TMEM67: variants seen among roughly 807,000 people sequenced by gnomAD.
TMEM67 encodes meckelin.
TMEM67 carries 124 observed loss-of-function variants against 136.6 expected under a neutral mutation model. The observed-to-expected ratio is 0.91, with a 90% CI of 0.78 to 1.05. The LOEUF (loss-of-function observed/expected upper bound fraction) is 1.05. Among genes scored for constraint, TMEM67 ranks in the 50% least tolerant of loss-of-function variants. The probability of loss-of-function intolerance (pLI) is 0.00; values close to 1 mark genes in which losing one functional copy is unlikely to be tolerated. For missense variants in TMEM67, 1,107 were observed against 1,178.4 expected (o/e 0.94, Z 0.89); for synonymous variants, 364 against 390.5 (o/e 0.93, Z 0.80).
intron 15 of TMEM67, 65 bp downstream of exon 15, chr8:93,791,384 G>C (rs1334536787): frequency 2.5e-6 from 3 of 1,195,380 alleles, no homozygotes; most frequent in Non-Finnish European, 3.6e-6. Context: ...TTTCAGATGT[G>C]CAAGAAGTTG....
At chr8:93,782,865 G>T (rs895725191) in intron 11 of TMEM67, among the ~76,000 whole-genome samples, 2 of 151,892 alleles carry the variant, frequency 1.3e-5, no homozygotes, top group East Asian at 3.9e-4. Flanking sequence ...ATGAGCCACC[G>T]TGCCTGGCCG....
intron 7 of TMEM67, among the ~76,000 whole-genome samples, chr8:93,777,567 G>C (rs189206456): frequency 1.2e-4 from 18 of 152,210 alleles, no homozygotes; most frequent in African/African-American, 3.4e-4. Flanking sequence ...TGTTCTCATT[G>C]ATTTCAAAGA....
rs181267447 is a variant in TMEM67 at position 93,785,367 on chromosome 8, T to C, written c.1277T>C (p.Phe426Ser). 1.2e-6 allele frequency: 2 copies of C among 1,612,654 alleles called. No homozygotes were observed. The highest frequency in any genetic ancestry group is 2.2e-5 in the East Asian group (1 of 44,712). The change falls in exon 12 of 28, where the codon TTT (phenylalanine) becomes TCT (serine). Residue 426 changes from phenylalanine to serine, a missense_variant. Phe to Ser is a radical substitution (Grantham distance 155). Coordinates refer to ENST00000453321, the MANE Select transcript of TMEM67 (RefSeq NM_153704.6). Reference protein sequence around the residue: ...LNLNLQHNKIFVNQDSNSGKW... With the variant: ...LNLNLQHNKISVNQDSNSGKW... ...CTAAATCTTCAACATAATAAGATAT[T>C]TGTGAACCAAGGTAAGACATCCATA... is the stretch of plus-strand genomic sequence containing the variant.
At chr8:93,782,569 T>TG in intron 11 of TMEM67, 109 bp downstream of exon 11, 4 of 779,744 alleles carry the variant, frequency 5.1e-6, no homozygotes, top group Non-Finnish European at 8.1e-6. Flanking sequence ...TTTTTATTCT[T>TG]GGTTTTTTTT....
rs141011453 is a variant in TMEM67 at position 93,797,067 on chromosome 8, A to G, written c.1861-67A>G. The G allele has an allele frequency of 1.1e-3, 961 of 894,682 alleles. 10 individuals are homozygous for G. The African/African-American group carries it at 0.014, about 13-fold the overall frequency. 55.4% of individuals were successfully genotyped at this position (894,682 alleles called of 1,614,324 possible). ...TAACAGTATGTTTCTTAAAGAGTCA[A>G]TATTGGTTTTATAAGCAGACTTAAC... On this transcript the variant is annotated intron_variant, in intron 18 of 27. Transcript: ENST00000453321.
chr8:93,776,042 G>A (rs1413413445), intron 7 of TMEM67, among the ~76,000 whole-genome samples: 1 of 152,140 alleles, frequency 6.6e-6, no homozygotes, highest in Non-Finnish European at 1.5e-5. Flanking sequence ...GCAGTGGTTT[G>A]TAATTCTCCT....
intron 11 of TMEM67, among the ~76,000 whole-genome samples, chr8:93,783,451 C>A (rs146729253): frequency 6.6e-6 from 1 of 152,080 alleles, no homozygotes. Flanking sequence ...TTCTTCTACC[C>A]GCTCATAACA....
At chr8:93,813,742 A>G (rs1444614621) in intron 26 of TMEM67, among the ~76,000 whole-genome samples, 5 of 152,136 alleles carry the variant, frequency 3.3e-5, no homozygotes, top group Non-Finnish European at 7.3e-5. Context: ...ACATCTAGGA[A>G]GAGGTATCCA....
downstream of TMEM67, among the ~76,000 whole-genome samples, chr8:93,819,966 A>G (rs894705162): frequency 5.9e-5 from 9 of 152,094 alleles, no homozygotes; most frequent in African/African-American, 2.2e-4. Context: ...TCTGGCCCTG[A>G]AACCCTAGGA....
chr8:93,755,071 C>A lies in TMEM67; in HGVS notation c.157C>A (p.Gln53Lys), dbSNP rs1188649369. Residue 53 changes from glutamine (Q) to lysine (K), a missense_variant, in exon 1 of 28, where the codon CAG (glutamine) becomes AAG (lysine). Around this residue, in one of 3 missense-constraint regions of TMEM67, gnomAD observed 178 missense variants for 159.2 expected, o/e 1.12. Coordinates refer to ENST00000453321, the MANE Select transcript of TMEM67 (RefSeq NM_153704.6). ...GCAGCCGGAGAAGTGCGACAACAACCAGTACTTTGATATCTCCGCCCTCTC... is the reference window on the plus strand; with the variant it reads ...GCAGCCGGAGAAGTGCGACAACAACAAGTACTTTGATATCTCCGCCCTCTC... ...FQQPEKCDNN[Q>K]YFDISALSCV... 1.2e-6 allele frequency: 2 copies of A among 1,614,178 alleles called. No individual in the cohort carries two copies. The highest frequency in any genetic ancestry group is 1.7e-6 in the Non-Finnish European group (2 of 1,180,036).
At chr8:93,800,142 C>T (rs907245232) in intron 21 of TMEM67, among the ~76,000 whole-genome samples, 6 of 152,006 alleles carry the variant, frequency 3.9e-5, no homozygotes, top group Admixed American at 2.6e-4. Flanking sequence ...AACTCCTGAC[C>T]TCAGGTGATC....
Position 93,794,225 on chromosome 8 carries a change from A to T in TMEM67, c.1674+929A>T, listed in dbSNP as rs536060411. Reference sequence around the variant, plus strand: ...GGTTTTGATATCATCATATCTGAATATTTTTTTTCATGTTATGATACGTGC... The same window carrying T: ...GGTTTTGATATCATCATATCTGAATTTTTTTTTTCATGTTATGATACGTGC... On this transcript the variant is annotated intron_variant, in intron 16 of 27. Coordinates refer to ENST00000453321, the MANE Select transcript of TMEM67 (RefSeq NM_153704.6). 1.3e-4 allele frequency among the ~76,000 whole-genome samples: 19 copies of T among 151,836 alleles called. No homozygotes were observed. The East Asian group carries it at 3.7e-3, about 29-fold the overall frequency.
intron 9 of TMEM67, 70 bp downstream of exon 9, chr8:93,781,052 C>A: frequency 9.3e-7 from 1 of 1,072,548 alleles, no homozygotes. Context: ...AATAAAGTTA[C>A]AATTCTTGCC....
At chr8:93,781,507 G>A (rs1022194025) in intron 9 of TMEM67, 151 bp from the exon 10 acceptor site, 1 of 520,576 alleles carries the variant, frequency 1.9e-6, no homozygotes, top group African/African-American at 2.0e-5. Context: ...GGTCTATTTA[G>A]TCATAGAAAT....
chr8:93,811,371 C>G (rs967779987), intron 26 of TMEM67: 1 of 152,252 alleles, frequency 6.6e-6, no homozygotes, highest in Middle Eastern at 3.4e-3. Flanking sequence ...AAAAACAGTG[C>G]GCAAAGTGCA....
intron 14 of TMEM67, among the ~76,000 whole-genome samples, chr8:93,789,068 A>G (rs1211659960): frequency 6.6e-6 from 1 of 152,204 alleles, no homozygotes; most frequent in Non-Finnish European, 1.5e-5. Context: ...CTCTAAAAAC[A>G]TGAGAAGTAG....
intron 6 of TMEM67, among the ~76,000 whole-genome samples, chr8:93,767,534 A>G (rs1006441542): frequency 6.6e-6 from 1 of 152,174 alleles, no homozygotes; most frequent in African/African-American, 2.4e-5. Context: ...ATTAATTGAC[A>G]TTCTATTGTA....
chr8:93,808,372 AC>A (rs1808507321), intron 23 of TMEM67, among the ~76,000 whole-genome samples: 1 of 89,468 alleles, frequency 1.1e-5, no homozygotes, highest in African/African-American at 3.8e-5. Flanking sequence ...ATATTTATCT[AC>A]TATAAATATT....
At chr8:93,760,897 A>G (rs1419729527) in intron 3 of TMEM67, among the ~76,000 whole-genome samples, 1 of 152,254 alleles carries the variant, frequency 6.6e-6, no homozygotes, top group Non-Finnish European at 1.5e-5. Flanking sequence ...AGTCATAAAT[A>G]AAGTTCACAT....
Sources: gnomAD v4.1 joint callset for allele counts (sites outside exome capture counted in the v4.1 genomes callset) on GRCh38, gnomAD v4.1.1 for gene constraint, gnomAD v4.1.1 regional missense constraint, MANE v1.5 for transcripts, NCBI Gene and HGNC (gene_info 2026-07-23, HGNC 2026-07-21) for gene names.